Variants in MPP7 observed in about 807,000 individuals in gnomAD.
MPP7 encodes MAGUK p55 scaffold protein 7.
A neutral mutation model predicts 76.5 loss-of-function variants in MPP7; 60 were observed. That is an observed-to-expected ratio of 0.78 (90% confidence interval 0.64 to 0.97). MPP7 has a LOEUF of 0.97. MPP7 is among the 50% of genes least tolerant of loss of function. The pLI, the probability that MPP7 is intolerant of heterozygous loss-of-function variation, is 0.00. For synonymous variants in MPP7, 237 were observed against 244.5 expected (o/e 0.97, Z 0.29); for missense variants, 641 against 694.0 (o/e 0.92, Z 0.86).
Position 28,090,598 on chromosome 10 carries a change from T to C in MPP7, c.953-757A>G, listed in dbSNP as rs142491439. 3.4e-3 allele frequency among the ~76,000 whole-genome samples: 525 copies of C among 152,278 alleles called. 2 individuals carry two copies. The highest frequency in any genetic ancestry group is 5.0e-3 in the Non-Finnish European group (340 of 68,036). ...TTTCTATTACATCCTAAGCATAACC[T>C]CACAACGTACCCATGGCACAGGCAG... is the stretch of plus-strand genomic sequence containing the variant. On this transcript the variant is annotated intron_variant, in intron 11 of 16. Transcript: ENST00000683449.
chr10:28,269,057 T>C (rs1015686654), intron 1 of MPP7, among the ~76,000 whole-genome samples: 1 of 152,244 alleles, frequency 6.6e-6, no homozygotes, highest in African/African-American at 2.4e-5. Flanking sequence ...AAGGACTTTC[T>C]TTCCCATAAC....
At chr10:28,316,807 T>G (rs909721436) in intron 2 of MPP7, among the ~76,000 whole-genome samples, 2 of 152,216 alleles carry the variant, frequency 1.3e-5, no homozygotes, top group African/African-American at 4.8e-5. Context: ...AGCTCTTTCC[T>G]GTACGGCGCT....
chr10:28,180,812 A>G (rs1837034891), intron 3 of MPP7, among the ~76,000 whole-genome samples: 1 of 152,212 alleles, frequency 6.6e-6, no homozygotes, highest in South Asian at 2.1e-4. Context: ...GGGTAGGAAG[A>G]AGAGACAGAG....
chr10:28,179,887 C>T (rs1837003953), intron 3 of MPP7, among the ~76,000 whole-genome samples: 1 of 152,082 alleles, frequency 6.6e-6, no homozygotes, highest in Non-Finnish European at 1.5e-5. Flanking sequence ...ATGAAATTCA[C>T]AAATAAAATG....
At chr10:28,246,540 T>C (rs1048906630) in intron 1 of MPP7, among the ~76,000 whole-genome samples, 1 of 152,100 alleles carries the variant, frequency 6.6e-6, no homozygotes, top group South Asian at 2.1e-4. Context: ...TATGAACAAA[T>C]ATAAGATACA....
intron 6 of MPP7, among the ~76,000 whole-genome samples, chr10:28,129,979 C>T (rs770044138): frequency 6.6e-6 from 1 of 152,114 alleles, no homozygotes; most frequent in Non-Finnish European, 1.5e-5. Context: ...AGGGATCTTG[C>T]CCCTTAAGTA....
intron 3 of MPP7, among the ~76,000 whole-genome samples, chr10:28,198,640 T>A (rs940845277): frequency 6.7e-6 from 1 of 149,718 alleles, no homozygotes; most frequent in African/African-American, 2.4e-5. Flanking sequence ...TTGTGCCATA[T>A]CTTGTTCTAA....
intron 1 of MPP7, among the ~76,000 whole-genome samples, chr10:28,250,046 A>C (rs1839564732): frequency 6.6e-6 from 1 of 151,658 alleles, no homozygotes; most frequent in South Asian, 2.1e-4. Flanking sequence ...AGAAACTATT[A>C]TATAACCACA....
chr10:28,066,540 T>C (rs1851993872), intron 13 of MPP7, among the ~76,000 whole-genome samples: 1 of 152,158 alleles, frequency 6.6e-6, no homozygotes, highest in African/African-American at 2.4e-5. Context: ...ACAGTTAAAC[T>C]ATTATTTCTT....
rs562096717 is a variant in MPP7, at chr10:28,316,252, C to T, written c.-132+13677G>A. Among the ~76,000 whole-genome samples the T allele has an allele frequency of 2.1e-3, 312 of 151,704 alleles. 2 individuals carry two copies. Among genetic ancestry groups the T allele is most frequent in the African/African-American group, 7.2e-3 (296 of 41,372 alleles). On this transcript the variant is annotated intron_variant, in intron 2 of 11. Coordinates refer to the MPP7 transcript ENST00000441595. ...AGACATTCGAGACCAGCCTGGCCAA[C>T]GTGGTGAAACCCCATATCTACTAAA...
intron 2 of MPP7, among the ~76,000 whole-genome samples, chr10:28,224,160 G>A (rs1222785452): frequency 6.6e-6 from 1 of 151,954 alleles, no homozygotes; most frequent in Non-Finnish European, 1.5e-5. Flanking sequence ...ACTCCAGCCT[G>A]GGCAATAGAG....
chr10:28,191,714 A>T (rs1009358494), intron 3 of MPP7, among the ~76,000 whole-genome samples: 1 of 152,252 alleles, frequency 6.6e-6, no homozygotes, highest in African/African-American at 2.4e-5. Context: ...ACCACGACCA[A>T]ATAAGACTCA....
At chr10:28,125,569 CTTCT>C (rs1368298319) in intron 6 of MPP7, among the ~76,000 whole-genome samples, 1 of 151,804 alleles carries the variant, frequency 6.6e-6, no homozygotes, top group African/African-American at 2.4e-5. Context: ...TTCAGTGATC[CTTCT>C]ATCACCCTCA....
chr10:28,328,460 C>G (rs1589049996), intron 2 of MPP7, among the ~76,000 whole-genome samples: 2 of 152,074 alleles, frequency 1.3e-5, no homozygotes, highest in South Asian at 4.1e-4. Context: ...AAGTTATGAG[C>G]TCTGGTAGAA....
At chr10:28,292,217 T>C (rs753634887) in intron 1 of MPP7, among the ~76,000 whole-genome samples, 7 of 152,218 alleles carry the variant, frequency 4.6e-5, no homozygotes, top group Non-Finnish European at 1.0e-4. Context: ...CTGTGTTATC[T>C]ACATTTGTGT....
chr10:28,240,219 T>C (rs954350319), intron 1 of MPP7, among the ~76,000 whole-genome samples: 1 of 152,136 alleles, frequency 6.6e-6, no homozygotes, highest in Non-Finnish European at 1.5e-5. Context: ...TTTTAACATA[T>C]ATTAACAACA....
chr10:28,273,910 G>A (rs1320030418), intron 1 of MPP7, among the ~76,000 whole-genome samples: 1 of 152,004 alleles, frequency 6.6e-6, no homozygotes, highest in Non-Finnish European at 1.5e-5. Context: ...TGAAAGGATT[G>A]CTTGAGCCCA....
chr10:28,219,956 A>G, intron 2 of MPP7, among the ~76,000 whole-genome samples: 1 of 152,138 alleles, frequency 6.6e-6, no homozygotes, highest in East Asian at 1.9e-4. Context: ...AAATACTAAC[A>G]CAACCCTGAG....
intron 1 of MPP7, among the ~76,000 whole-genome samples, chr10:28,257,064 G>C (rs2132897921): frequency 6.6e-6 from 1 of 152,314 alleles, no homozygotes; most frequent in African/African-American, 2.4e-5. Context: ...CTCAGAAACA[G>C]CATAAGTTTC....
Sources: gnomAD v4.1 joint callset for allele counts (sites outside exome capture counted in the v4.1 genomes callset) on GRCh38, gnomAD v4.1.1 for gene constraint, MANE v1.5 for transcripts, NCBI Gene and HGNC (gene_info 2026-07-23, HGNC 2026-07-21) for gene names.